ELOVL5: variants seen among roughly 807,000 people sequenced by gnomAD.
ELOVL5 encodes very long chain fatty acid elongase 5.
ELOVL5 carries 8 observed loss-of-function variants against 38.6 expected under a neutral mutation model. That is an observed-to-expected ratio of 0.21 (90% CI 0.12 to 0.37). ELOVL5 has a LOEUF of 0.37. Ranked by LOEUF, ELOVL5 falls within the 10% of genes least tolerant of loss-of-function variation. The probability of loss-of-function intolerance (pLI) is 1.00; values close to 1 mark genes in which losing one functional copy is unlikely to be tolerated. For missense variants in ELOVL5, 280 were observed against 367.8 expected (o/e 0.76, Z 1.95); for synonymous variants, 127 against 133.7 (o/e 0.95, Z 0.34).
At position 53,348,846 on chromosome 6, in the gene ELOVL5, G is replaced by A; in HGVS notation, c.-38C>T. On this transcript the variant is annotated 5_prime_UTR_variant, in exon 1 of 8. Coordinates refer to ENST00000304434, the MANE Select transcript of ELOVL5 (RefSeq NM_021814.5). ...TAGCCCAAGGGGCGGCAGCAGCTTT[G>A]AGCAGCAGCAAGGCGGCGGCGGCGG... The A allele has an allele frequency of 2.2e-6, 1 of 458,868 alleles. No homozygotes were observed. Among genetic ancestry groups the A allele is most frequent in the South Asian group, 1.5e-5 (1 of 65,050 alleles). The allele number at this position is 458,868 out of a possible 1,614,324, so 28.4% of individuals were successfully genotyped here. A position where few individuals can be genotyped will look rare whatever the true frequency, so the allele number is the denominator to read the frequency against.
intron 1 of ELOVL5, among the ~76,000 whole-genome samples, chr6:53,321,115 C>T (rs1157868366): frequency 6.6e-6 from 1 of 152,196 alleles, no homozygotes; most frequent in Non-Finnish European, 1.5e-5. Context: ...ACAAGAGATC[C>T]CTGCCTTCTT....
intron 1 of ELOVL5, among the ~76,000 whole-genome samples, chr6:53,345,996 A>G (rs1191129775): frequency 1.3e-5 from 2 of 152,172 alleles, no homozygotes; most frequent in Non-Finnish European, 2.9e-5. Flanking sequence ...TGCACCTATC[A>G]ACCCATCATC....
At chr6:53,334,479 G>C (rs754410485) in intron 1 of ELOVL5, among the ~76,000 whole-genome samples, 3 of 151,990 alleles carry the variant, frequency 2.0e-5, no homozygotes, top group Admixed American at 2.0e-4. Flanking sequence ...TGGTTGCACA[G>C]AATTCAAATT....
intron 1 of ELOVL5, among the ~76,000 whole-genome samples, chr6:53,306,030 C>A (rs1404598593): frequency 6.6e-6 from 1 of 151,604 alleles, no homozygotes; most frequent in African/African-American, 2.4e-5. Context: ...AGCGAAACCC[C>A]GTCTCCACCA....
intron 6 of ELOVL5, among the ~76,000 whole-genome samples, chr6:53,271,426 G>A (rs1046604223): frequency 4.6e-5 from 7 of 151,972 alleles, no homozygotes; most frequent in African/African-American, 1.7e-4. Context: ...GGCACACGCC[G>A]GTAGTCCCAG....
intron 6 of ELOVL5, among the ~76,000 whole-genome samples, chr6:53,272,588 G>A (rs1271376586): frequency 6.6e-6 from 1 of 152,212 alleles, no homozygotes; most frequent in Non-Finnish European, 1.5e-5. Context: ...GAATTCATGA[G>A]AGGAGAGAAA....
chr6:53,344,374 G>C (rs1177519161), intron 1 of ELOVL5, among the ~76,000 whole-genome samples: 2 of 152,226 alleles, frequency 1.3e-5, no homozygotes, highest in Middle Eastern at 6.8e-3. Context: ...TTCAGGTCAG[G>C]CCTTTTCACT....
At chr6:53,345,545 G>A (rs1304561178) in intron 1 of ELOVL5, among the ~76,000 whole-genome samples, 1 of 152,242 alleles carries the variant, frequency 6.6e-6, no homozygotes, top group African/African-American at 2.4e-5. Context: ...ATCAGGAACT[G>A]TTGTAATTCA....
chr6:53,294,459 G>A, intron 2 of ELOVL5: 1 of 1,550,520 alleles, frequency 6.4e-7, no homozygotes, highest in South Asian at 1.2e-5. Context: ...GTGTGAAGTG[G>A]GGGACCCATT....
chr6:53,338,423 C>T (rs1309836443), intron 1 of ELOVL5, among the ~76,000 whole-genome samples: 1 of 152,312 alleles, frequency 6.6e-6, no homozygotes. Context: ...GAAAATGAAA[C>T]CATCACAATA....
At chr6:53,322,019 G>A (rs1420714949) in intron 1 of ELOVL5, among the ~76,000 whole-genome samples, 1 of 152,186 alleles carries the variant, frequency 6.6e-6, no homozygotes, top group Non-Finnish European at 1.5e-5. Context: ...AAGGAGCTAA[G>A]TCTAGTTACC....
chr6:53,288,075 A>C, intron 3 of ELOVL5: 1 of 771,640 alleles, frequency 1.3e-6, no homozygotes, highest in South Asian at 1.6e-5. Flanking sequence ...CACCTGTAAC[A>C]CTCTAACAAA....
At chr6:53,274,409 A>G (rs1446957445) in intron 5 of ELOVL5, among the ~76,000 whole-genome samples, 2 of 151,798 alleles carry the variant, frequency 1.3e-5, no homozygotes, top group East Asian at 3.9e-4. Flanking sequence ...TATCCCAGAG[A>G]AAAAAATATC....
intron 2 of ELOVL5, chr6:53,294,091 T>C (rs1194464732): frequency 5.8e-6 from 8 of 1,371,488 alleles, no homozygotes; most frequent in Non-Finnish European, 7.6e-6. Context: ...CTCCCTATTT[T>C]AACTTAAACC....
At chr6:53,302,834 T>C (rs977743605) in intron 1 of ELOVL5, among the ~76,000 whole-genome samples, 1 of 152,152 alleles carries the variant, frequency 6.6e-6, no homozygotes, top group South Asian at 2.1e-4. Flanking sequence ...TCAAGTCACA[T>C]TCCTTTTGAT....
chr6:53,343,560 C>T (rs757383431), intron 1 of ELOVL5, among the ~76,000 whole-genome samples: 1 of 152,064 alleles, frequency 6.6e-6, no homozygotes, highest in Non-Finnish European at 1.5e-5. Context: ...CATTCTCTAT[C>T]CCTGGCCAAA....
intron 1 of ELOVL5, among the ~76,000 whole-genome samples, chr6:53,346,205 T>C (rs1769534771): frequency 6.6e-6 from 1 of 152,208 alleles, no homozygotes; most frequent in Non-Finnish European, 1.5e-5. Flanking sequence ...GATGATGGTT[T>C]CCAGCTTCAT....
intron 1 of ELOVL5, among the ~76,000 whole-genome samples, chr6:53,340,069 A>C (rs1769263058): frequency 6.6e-6 from 1 of 152,210 alleles, no homozygotes; most frequent in East Asian, 1.9e-4. Context: ...AAAAGGAGAA[A>C]AAAAGCTTGA....
At chr6:53,289,578 G>A (rs1349086200) in intron 3 of ELOVL5, among the ~76,000 whole-genome samples, 1 of 152,162 alleles carries the variant, frequency 6.6e-6, no homozygotes, top group African/African-American at 2.4e-5. Context: ...AAATTAGACA[G>A]GAGTGGTGGC....
Sources: allele counts gnomAD v4.1 joint callset (sites outside exome capture counted in the v4.1 genomes callset), GRCh38; gene constraint gnomAD v4.1.1; transcripts MANE v1.5; gene names NCBI Gene and HGNC (gene_info 2026-07-23, HGNC 2026-07-21).